ACSM3: variants seen among roughly 807,000 people sequenced by gnomAD.
ACSM3 encodes acyl-coenzyme A synthetase ACSM3, mitochondrial.
A neutral mutation model predicts 74.1 loss-of-function variants in ACSM3; 61 were observed. The observed-to-expected ratio is 0.82, with a 90% CI of 0.67 to 1.02. ACSM3 has a LOEUF of 1.02. ACSM3 is among the 50% of genes least tolerant of loss of function. The pLI is 0.00. For synonymous variants in ACSM3, 213 were observed against 241.5 expected, an observed-to-expected ratio of 0.88 and a Z score of 1.09; for missense variants, 660 against 697.0, an observed-to-expected ratio of 0.95 and a Z score of 0.60.
At chr16:20,751,404 T>C (rs1408382923) in intron 2 of ACSM3, among the ~76,000 whole-genome samples, 3 of 152,258 alleles carry the variant, frequency 2.0e-5, no homozygotes. Flanking sequence ...AAGGATTTTT[T>C]ATTGTTGTTT....
chr16:20,781,597 T>G, intron 6 of ACSM3, 111 bp from the exon 7 acceptor site: 1 of 843,734 alleles, frequency 1.2e-6, no homozygotes, highest in Non-Finnish European at 2.0e-6. Context: ...AAGGTAAGAA[T>G]GTATTTACAT....
chr16:20,734,109 CAAAT>C (rs1266828177), intron 1 of ACSM3: 1 of 152,178 alleles, frequency 6.6e-6, no homozygotes. Flanking sequence ...TTACCAAATA[CAAAT>C]AAATATAAAA....
chr16:20,792,016 A>C lies in ACSM3; in HGVS notation c.1341A>C (p.Lys447Asn). The change falls in exon 11 of 14, where the codon AAA (lysine) becomes AAC (asparagine). Residue 447 changes from lysine to asparagine, a missense_variant. By Grantham distance (94) the Lys-to-Asn change is moderately conservative. Coordinates refer to ENST00000289416, the MANE Select transcript of ACSM3 (RefSeq NM_005622.4). ...TTGTTTTGCAGGATAATCCTTCAAA[A>C]ACAGCTTCAACTCTACGAGGCAATT... ...LFTHYVDNPSKTASTLRGNFY... is the reference protein window; with the variant it reads ...LFTHYVDNPSNTASTLRGNFY... 6.2e-7 allele frequency: 1 copy of C among 1,614,098 alleles called. No homozygotes were observed. The highest frequency in any genetic ancestry group is 8.5e-7 in the Non-Finnish European group (1 of 1,179,982).
intron 1 of ACSM3, chr16:20,727,506 G>A (rs531727818): frequency 5.8e-6 from 2 of 342,954 alleles, no homozygotes; most frequent in African/African-American, 4.5e-5. Context: ...GTATATTTGG[G>A]GGCCTTTCTG....
At position 20,790,626 on chromosome 16, in the gene ACSM3, G is replaced by A. The variant is rs1446789384; in HGVS notation, c.1264G>A (p.Glu422Lys). The A allele has an allele frequency of 5.6e-6, 9 of 1,612,550 alleles. No homozygotes were observed. The highest frequency in any genetic ancestry group is 7.6e-6 in the Non-Finnish European group (9 of 1,179,958). Residue 422 changes from glutamate (E) to lysine (K), a missense_variant, in exon 10 of 14, where the codon GAA (glutamate) becomes AAA (lysine). By Grantham distance (56) the Glu-to-Lys change is moderately conservative. Coordinates refer to ENST00000289416, the MANE Select transcript of ACSM3 (RefSeq NM_005622.4). This position sits in a 1 kb window ranked among gnomAD's most constrained non-coding sequence, Gnocchi z 4.0. ...VNGNVLPPGQ[E>K]GDIGIQVLPN... ...TGGCAATGTTCTACCTCCTGGACAA[G>A]AAGGAGATATTGGCATTCAAGTTCT...
intron 1 of ACSM3, chr16:20,741,481 G>GGGGGGGGGGGGCCCCCCCCCCCCCCCCC: frequency 1.5e-6 from 2 of 1,308,406 alleles, no homozygotes; most frequent in Non-Finnish European, 2.0e-6. Flanking sequence ...CTGGCAGCCG[G>GGGGGGGGGGGGCCCCCCCCCCCCCCCCC]CCCGCCCGCC....
At chr16:20,674,982 A>G (rs574918425) in intron 1 of ACSM3, among the ~76,000 whole-genome samples, 1 of 152,298 alleles carries the variant, frequency 6.6e-6, no homozygotes, top group East Asian at 1.9e-4. Flanking sequence ...TAACAAAGTG[A>G]AAGTGGTTCA....
intron 2 of ACSM3, among the ~76,000 whole-genome samples, chr16:20,771,009 A>G (rs993927467): frequency 3.3e-5 from 5 of 152,176 alleles, no homozygotes; most frequent in Non-Finnish European, 7.3e-5. Context: ...ATAATTTTGC[A>G]TCCATTAACC....
intron 1 of ACSM3, chr16:20,728,565 T>C (rs1413634474): frequency 9.7e-6 from 5 of 513,620 alleles, no homozygotes; most frequent in Non-Finnish European, 1.7e-5. Context: ...TGTCTTGCTA[T>C]GTAACCTCAG....
At chr16:20,776,880 T>C (rs1378253804) in intron 3 of ACSM3, among the ~76,000 whole-genome samples, 5 of 152,200 alleles carry the variant, frequency 3.3e-5, no homozygotes, top group African/African-American at 1.2e-4. Context: ...AAAGCAATCA[T>C]GTACATTTTA....
intron 1 of ACSM3, among the ~76,000 whole-genome samples, chr16:20,730,253 T>C (rs1185923347): frequency 6.6e-6 from 1 of 152,186 alleles, no homozygotes; most frequent in Non-Finnish European, 1.5e-5. Context: ...TTTCACTGAA[T>C]AGGCAGCAGA....
At chr16:20,785,447 G>A (rs2080450985) in intron 8 of ACSM3, among the ~76,000 whole-genome samples, 1 of 152,154 alleles carries the variant, frequency 6.6e-6, no homozygotes, top group Non-Finnish European at 1.5e-5. Flanking sequence ...AATGGAAAAT[G>A]CTGAGATCCT....
At chr16:20,741,481 G>GGGGGGGCCCCC in intron 1 of ACSM3, 1 of 1,308,412 alleles carries the variant, frequency 7.6e-7, no homozygotes. Context: ...CTGGCAGCCG[G>GGGGGGGCCCCC]CCCGCCCGCC....
rs374833367 is a variant in ACSM3, at chr16:20,796,388, G to A, written c.1573G>A (p.Val525Ile). ...IRGEVVKAFV[V>I]LNPDYKSHDQ... ...ATTTTAGGTAGTAAAGGCTTTTGTCGTTCTAAATCCTGATTACAAGTCACA... is the reference window on the plus strand; with the variant it reads ...ATTTTAGGTAGTAAAGGCTTTTGTCATTCTAAATCCTGATTACAAGTCACA... Residue 525 changes from valine to isoleucine, a missense_variant, in exon 13 of 14, where the codon GTT becomes ATT. Transcript: ENST00000289416. 1.6e-4 allele frequency: 252 copies of A among 1,610,840 alleles called. No homozygotes were observed. Among genetic ancestry groups the A allele is most frequent in the African/African-American group, 1.0e-3 (78 of 74,540 alleles).
chr16:20,783,626 G>T (rs867055293), intron 7 of ACSM3: 1 of 151,764 alleles, frequency 6.6e-6, no homozygotes, highest in Non-Finnish European at 1.5e-5. Context: ...TTTAATTATC[G>T]AATAGGAAAT....
chr16:20,742,121 G>T, intron 1 of ACSM3: 1 of 1,159,594 alleles, frequency 8.6e-7, no homozygotes, highest in Non-Finnish European at 1.1e-6. Context: ...TACTGTGGAG[G>T]AAAAGTTAAA....
chr16:20,737,502 G>A (rs998780616), intron 1 of ACSM3, among the ~76,000 whole-genome samples: 2 of 151,914 alleles, frequency 1.3e-5, no homozygotes, highest in Admixed American at 6.6e-5. Context: ...ATTCAATTTC[G>A]AGTTAAAAAA....
intron 8 of ACSM3, among the ~76,000 whole-genome samples, 189 bp downstream of exon 8, chr16:20,785,296 C>A (rs1248491919): frequency 6.6e-6 from 1 of 152,114 alleles, no homozygotes; most frequent in Non-Finnish European, 1.5e-5. Flanking sequence ...GTTTAAATAG[C>A]CATTCATTGA....
At position 20,770,190 on chromosome 16, in the gene ACSM3, G is replaced by T. The variant is rs200211774; in HGVS notation, c.156G>T (p.Leu52=). Residue 52 remains leucine, a synonymous_variant, in exon 2 of 14, where the codon CTG becomes CTT. Coordinates refer to ENST00000289416, the MANE Select transcript of ACSM3 (RefSeq NM_005622.4). ...AATCCATGAAACAGGACTTCAAACT[G>T]GGGATTCCAGAGTATTTCAACTTTG... ...NYESMKQDFK[L]GIPEYFNFAK... is the part of the protein sequence containing the mutation. The T allele has an allele frequency of 1.2e-4, 190 of 1,614,142 alleles. 1 individual carries two copies. Among genetic ancestry groups the T allele is most frequent in the Middle Eastern group, 3.3e-4 (2 of 6,062 alleles).
Sources: gnomAD v4.1 joint callset for allele counts (sites outside exome capture counted in the v4.1 genomes callset) on GRCh38, gnomAD v4.1.1 for gene constraint, Gnocchi (gnomAD v3.1) non-coding constraint, MANE v1.5 for transcripts, NCBI Gene and HGNC (gene_info 2026-07-23, HGNC 2026-07-21) for gene names.